MTCL2: variants seen among roughly 807,000 people sequenced by gnomAD.
The protein encoded by MTCL2 is microtubule crosslinking factor 2, also known as microtubule cross-linking factor 2.
the MTCL2 span, chr20:36,794,720 T>G: frequency 6.9e-6 from 9 of 1,304,438 alleles, no homozygotes; most frequent in South Asian, 1.1e-4. The surrounding 1 kb of genome is among the most constrained non-coding windows in gnomAD (Gnocchi z 5.4). Flanking sequence ...CTTGTTCACC[T>G]CTTGTAGAGA....
the MTCL2 span, among the ~76,000 whole-genome samples, chr20:36,807,700 C>A: frequency 1.3e-5 from 2 of 151,904 alleles, no homozygotes; most frequent in African/African-American, 4.8e-5. Flanking sequence ...GTACTATCAC[C>A]AATGTTTTTA....
the MTCL2 span, among the ~76,000 whole-genome samples, chr20:36,826,008 CTTTT>C: frequency 1.1e-4 from 3 of 26,788 alleles, no homozygotes; most frequent in African/African-American, 1.9e-4. Flanking sequence ...ACTTTCTTTT[CTTTT>C]TTTTTTTTCT....
chr20:36,821,691 C>G, the MTCL2 span, among the ~76,000 whole-genome samples: 1 of 152,166 alleles, frequency 6.6e-6, no homozygotes, highest in Non-Finnish European at 1.5e-5. Flanking sequence ...GCACTCCAGC[C>G]TGGGCAACAG....
At chr20:36,838,765 C>G in the MTCL2 span, among the ~76,000 whole-genome samples, 4 of 151,916 alleles carry the variant, frequency 2.6e-5, no homozygotes, top group African/African-American at 9.7e-5. Context: ...GTCAGGAGTT[C>G]GAAACCAGGC....
the MTCL2 span, among the ~76,000 whole-genome samples, chr20:36,857,425 G>C: frequency 2.0e-5 from 3 of 152,094 alleles, no homozygotes; most frequent in Admixed American, 1.3e-4. Flanking sequence ...GTCTGGAGGC[G>C]TGCTTCTGAA....
chr20:36,846,093 C>G, the MTCL2 span, among the ~76,000 whole-genome samples: 2 of 151,968 alleles, frequency 1.3e-5, no homozygotes, highest in Non-Finnish European at 2.9e-5. Context: ...GTAATCCCAG[C>G]TGTTTGGGAG....
At chr20:36,817,158 T>G in the MTCL2 span, among the ~76,000 whole-genome samples, 5 of 150,362 alleles carry the variant, frequency 3.3e-5, no homozygotes, top group African/African-American at 1.2e-4. Context: ...TCCCAGCTAC[T>G]CGGGAGGCTG....
At chr20:36,798,411 G>A in the MTCL2 span, among the ~76,000 whole-genome samples, 1 of 152,224 alleles carries the variant, frequency 6.6e-6, no homozygotes, top group Admixed American at 6.5e-5. Context: ...TATGATAGGT[G>A]TTCTTGTGGT....
the MTCL2 span, among the ~76,000 whole-genome samples, chr20:36,834,162 CAAAAAAA>C: frequency 1.8e-3 from 178 of 100,672 alleles, no homozygotes; most frequent in Admixed American, 4.1e-3. Flanking sequence ...GACTTCATCT[CAAAAAAA>C]AAAAAAAAAA....
chr20:36,793,865 G>A, the MTCL2 span: 1 of 1,548,604 alleles, frequency 6.5e-7, no homozygotes, highest in African/African-American at 1.4e-5. This position sits in a 1 kb window ranked among gnomAD's most constrained non-coding sequence, Gnocchi z 6.8. Flanking sequence ...AGAGCTGCGG[G>A]GTGACCAGGC....
At chr20:36,854,820 G>A in the MTCL2 span, among the ~76,000 whole-genome samples, 3 of 152,300 alleles carry the variant, frequency 2.0e-5, no homozygotes, top group East Asian at 5.8e-4. Flanking sequence ...TTGAGAATGA[G>A]GGGCCGCCAA....
chr20:36,819,840 G>T, the MTCL2 span, among the ~76,000 whole-genome samples: 3 of 152,168 alleles, frequency 2.0e-5, no homozygotes, highest in Admixed American at 6.5e-5. Context: ...TATTTCAGAC[G>T]CTGGGTGCCA....
chr20:36,862,648 G>A, the MTCL2 span: 7 of 1,491,626 alleles, frequency 4.7e-6, no homozygotes, highest in East Asian at 8.3e-5. Flanking sequence ...TTCTACCCGG[G>A]CGCCCCCACC....
chr20:36,832,562 G>A, the MTCL2 span, among the ~76,000 whole-genome samples: 10 of 152,138 alleles, frequency 6.6e-5, no homozygotes, highest in Non-Finnish European at 1.0e-4. Context: ...GGCCAGGCAC[G>A]ATGACTCACG....
the MTCL2 span, chr20:36,804,833 C>G: frequency 6.2e-7 from 1 of 1,614,008 alleles, no homozygotes; most frequent in Non-Finnish European, 8.5e-7. Context: ...CGGCGTTCAT[C>G]CCGGAGCAGC....
At chr20:36,777,521 C>T in the MTCL2 span, 3 of 393,862 alleles carry the variant, frequency 7.6e-6, no homozygotes, top group East Asian at 3.9e-5. Context: ...CAGTTATTCT[C>T]ATGTCTGAAA....
At chr20:36,815,905 G>T in the MTCL2 span, 1 of 1,610,894 alleles carries the variant, frequency 6.2e-7, no homozygotes, top group Non-Finnish European at 8.5e-7. This position sits in a 1 kb window ranked among gnomAD's most constrained non-coding sequence, Gnocchi z 5.3. Context: ...AGGTGTCGCC[G>T]CAGCTCTGCC....
At chr20:36,847,013 A>G in the MTCL2 span, among the ~76,000 whole-genome samples, 2 of 152,210 alleles carry the variant, frequency 1.3e-5, no homozygotes, top group Admixed American at 1.3e-4. Flanking sequence ...GTTTCAACAA[A>G]CAAAACACGG....
At chr20:36,796,931 C>T in the MTCL2 span, 2 of 1,613,790 alleles carry the variant, frequency 1.2e-6, no homozygotes, top group Non-Finnish European at 1.7e-6. Context: ...GCCTCCTTGT[C>T]GTGGATCTTC....
Sources: allele counts gnomAD v4.1 joint callset (sites outside exome capture counted in the v4.1 genomes callset), GRCh38; gene constraint gnomAD v4.1.1; non-coding constraint Gnocchi (gnomAD v3.1); transcripts MANE v1.5; gene names NCBI Gene and HGNC (gene_info 2026-07-23, HGNC 2026-07-21).